The following MAGI3 variants were observed in gnomAD, a reference collection of about 807,000 sequenced individuals.
The protein encoded by MAGI3 is membrane associated guanylate kinase, WW and PDZ domain containing 3, also known as membrane-associated guanylate kinase, WW and PDZ domain-containing protein 3.
MAGI3 carries 43 observed loss-of-function variants against 121.8 expected under a neutral mutation model. The observed-to-expected ratio is 0.35, with a 90% confidence interval of 0.28 to 0.46. The LOEUF (loss-of-function observed/expected upper bound fraction) is 0.46. Ranked by LOEUF, MAGI3 falls within the 20% of genes least tolerant of loss-of-function variation. The pLI is 1.00. For missense variants in MAGI3, 1,547 were observed against 1,797.3 expected (o/e 0.86, Z 2.52); for synonymous variants, 553 against 639.3 (o/e 0.86, Z 2.04).
chr1:113,555,227 G>A (rs539998296), intron 2 of MAGI3, among the ~76,000 whole-genome samples: 41 of 151,934 alleles, frequency 2.7e-4, no homozygotes, highest in Middle Eastern at 3.4e-3. Context: ...TTCAGCAGCA[G>A]ATATACACTG....
At chr1:113,596,964 T>G (rs1212145156) in intron 6 of MAGI3, among the ~76,000 whole-genome samples, 4 of 152,130 alleles carry the variant, frequency 2.6e-5, no homozygotes, top group African/African-American at 9.7e-5. Context: ...GTAAATTTTC[T>G]CCTAGGTATC....
At chr1:113,436,917 C>T (rs1305994815) in intron 1 of MAGI3, among the ~76,000 whole-genome samples, 1 of 150,408 alleles carries the variant, frequency 6.6e-6, no homozygotes, top group Non-Finnish European at 1.5e-5. Context: ...CAGGTTCAGG[C>T]AATTCTCCTG....
At chr1:113,616,728 T>C (rs146275624) in intron 7 of MAGI3, among the ~76,000 whole-genome samples, 2 of 152,298 alleles carry the variant, frequency 1.3e-5, no homozygotes, top group East Asian at 3.9e-4. Context: ...ATTACATGTC[T>C]TTTTAAAATT....
At chr1:113,646,222 G>A (rs1268916043) in intron 11 of MAGI3, among the ~76,000 whole-genome samples, 1 of 151,500 alleles carries the variant, frequency 6.6e-6, no homozygotes, top group East Asian at 1.9e-4. Flanking sequence ...TGGAGAAAAG[G>A]GCAAAATTGT....
At chr1:113,596,173 A>G (rs1648999743) in intron 6 of MAGI3, among the ~76,000 whole-genome samples, 1 of 152,192 alleles carries the variant, frequency 6.6e-6, no homozygotes, top group South Asian at 2.1e-4. Context: ...CTACAGTGAT[A>G]AAGACAGTTT....
intron 1 of MAGI3, among the ~76,000 whole-genome samples, chr1:113,508,581 A>G (rs1008749299): frequency 2.0e-5 from 3 of 152,252 alleles, no homozygotes; most frequent in African/African-American, 4.8e-5. Flanking sequence ...GATGTGAGAA[A>G]GAACAGAATT....
chr1:113,429,598 C>T (rs1241779069), intron 1 of MAGI3, among the ~76,000 whole-genome samples: 2 of 152,126 alleles, frequency 1.3e-5, no homozygotes, highest in Admixed American at 6.5e-5. Context: ...TAGTTACACC[C>T]TATGCAAACG....
chr1:113,514,986 T>A (rs1174074084), intron 1 of MAGI3, among the ~76,000 whole-genome samples: 4 of 152,088 alleles, frequency 2.6e-5, no homozygotes, highest in Non-Finnish European at 5.9e-5. Context: ...TGCCCTTACC[T>A]GACATTTAAG....
intron 1 of MAGI3, among the ~76,000 whole-genome samples, chr1:113,409,215 GA>G (rs769847414): frequency 2.6e-5 from 4 of 151,026 alleles, no homozygotes; most frequent in Non-Finnish European, 4.4e-5. Context: ...ATTTGACAAG[GA>G]AAAAGAGAAA....
Position 113,549,506 on chromosome 1 carries a change from T to C in MAGI3, c.317-9T>C. Reference sequence around the variant, plus strand: ...TATTTTCTGTTTTTTTTTTTTGTCTTTGCTCCAGGCAAAGTCATTAATAAA... The same window carrying C: ...TATTTTCTGTTTTTTTTTTTTGTCTCTGCTCCAGGCAAAGTCATTAATAAA... On this transcript the variant is annotated splice_polypyrimidine_tract_variant and intron_variant, in intron 1 of 20. Transcript: ENST00000307546. The C allele has an allele frequency of 1.3e-6, 2 of 1,503,034 alleles. No homozygotes were observed. The highest frequency in any genetic ancestry group is 1.8e-6 in the Non-Finnish European group (2 of 1,101,336). The allele number at this position is 1,503,034 out of a possible 1,614,324, so 93.1% of individuals were successfully genotyped here. A position where few individuals can be genotyped will look rare whatever the true frequency, so the allele number is the denominator to read the frequency against.
At chr1:113,551,669 T>G (rs1659794559) in intron 2 of MAGI3, among the ~76,000 whole-genome samples, 1 of 152,176 alleles carries the variant, frequency 6.6e-6, no homozygotes, top group Non-Finnish European at 1.5e-5. Flanking sequence ...CTTTACTCAG[T>G]AGCCAGTGTG....
chr1:113,421,339 A>G (rs1454723758), intron 1 of MAGI3, among the ~76,000 whole-genome samples: 1 of 152,252 alleles, frequency 6.6e-6, no homozygotes, highest in East Asian at 1.9e-4. Flanking sequence ...AGATAGTCCC[A>G]TTTGAGGATA....
At chr1:113,486,894 G>T (rs1399669380) in intron 1 of MAGI3, among the ~76,000 whole-genome samples, 1 of 151,874 alleles carries the variant, frequency 6.6e-6, no homozygotes, top group Non-Finnish European at 1.5e-5. Context: ...TTTTGTGTGT[G>T]GCAACAGGGT....
intron 1 of MAGI3, among the ~76,000 whole-genome samples, chr1:113,484,679 T>C (rs1656274922): frequency 3.5e-4 from 2 of 5,640 alleles, no homozygotes; most frequent in Non-Finnish European, 6.2e-4. Context: ...TCCCTTCCCA[T>C]CCCCTCCCCT....
rs749772490 is a variant in MAGI3 at position 113,641,946 on chromosome 1, C to T, written c.1396C>T (p.Leu466Phe). Residue 466 changes from leucine to phenylalanine, a missense_variant, in exon 10 of 21, where the codon CTC (leucine) becomes TTC (phenylalanine). Transcript: ENST00000307546. The part of the protein sequence containing the change: ...VIVDINGNCV[L>F]GHTHADVVQM... ...TGTAGACATCAATGGCAACTGTGTC[C>T]TCGGTCACACTCATGCAGATGTTGT... 5 of 1,596,166 alleles carry T rather than the reference C, an allele frequency of 3.1e-6. No homozygotes were observed. The highest frequency in any genetic ancestry group is 1.7e-5 in the Admixed American group (1 of 59,698).
chr1:113,517,605 T>C (rs1657991874), intron 1 of MAGI3, among the ~76,000 whole-genome samples: 1 of 152,002 alleles, frequency 6.6e-6, no homozygotes, highest in Non-Finnish European at 1.5e-5. Flanking sequence ...TTTTATATTT[T>C]TGTTTTTCTT....
chr1:113,635,305 G>A (rs1329113660), intron 9 of MAGI3, among the ~76,000 whole-genome samples: 1 of 152,190 alleles, frequency 6.6e-6, no homozygotes, highest in African/African-American at 2.4e-5. Context: ...GTCTTGGCGA[G>A]TTTTCAAAGG....
At chr1:113,542,111 C>T (rs910034624) in intron 1 of MAGI3, among the ~76,000 whole-genome samples, 1 of 152,052 alleles carries the variant, frequency 6.6e-6, no homozygotes, top group Admixed American at 6.6e-5. Context: ...ACAGTAGTCC[C>T]CCCCTCCTTA....
intron 16 of MAGI3, among the ~76,000 whole-genome samples, chr1:113,668,292 GA>G (rs1312077277): frequency 2.0e-5 from 3 of 152,124 alleles, no homozygotes; most frequent in African/African-American, 7.2e-5. Context: ...CTTACAGACA[GA>G]AAGCCCAGCA....
Sources: gnomAD v4.1 joint callset for allele counts (sites outside exome capture counted in the v4.1 genomes callset) on GRCh38, gnomAD v4.1.1 for gene constraint, MANE v1.5 for transcripts, NCBI Gene and HGNC (gene_info 2026-07-23, HGNC 2026-07-21) for gene names.